The following RAPGEF2 variants were observed in gnomAD, a reference collection of about 807,000 sequenced individuals.
The protein encoded by RAPGEF2 is Rap guanine nucleotide exchange factor 2.
In RAPGEF2, 54 loss-of-function variants were observed where a neutral mutation model predicts 186.7. That is an observed-to-expected ratio of 0.29 (90% CI 0.23 to 0.36). The LOEUF is 0.36. Ranked by LOEUF, RAPGEF2 falls within the 10% of genes least tolerant of loss-of-function variation. RAPGEF2 has a pLI of 1.00. For synonymous variants in RAPGEF2, 712 were observed against 705.9 expected (o/e 1.01, Z -0.14); for missense variants, 1,532 against 2,045.0 (o/e 0.75, Z 4.84).
intron 8 of RAPGEF2, among the ~76,000 whole-genome samples, chr4:159,314,389 T>C (rs186081393): frequency 1.6e-4 from 25 of 152,342 alleles, no homozygotes; most frequent in African/African-American, 5.8e-4. Flanking sequence ...TCGTTATTCC[T>C]GACCAAAAAT....
chr4:159,253,368 T>G (rs180686607), intron 7 of RAPGEF2, among the ~76,000 whole-genome samples: 3 of 152,362 alleles, frequency 2.0e-5, no homozygotes, highest in South Asian at 2.1e-4. Context: ...CATTGGTCAC[T>G]GGGTTAAACA....
intron 1 of RAPGEF2, among the ~76,000 whole-genome samples, chr4:159,170,765 C>T (rs964877168): frequency 2.0e-5 from 3 of 152,128 alleles, no homozygotes; most frequent in African/African-American, 7.2e-5. Flanking sequence ...GGGTCATTTC[C>T]AGAAAATTAT....
At chr4:159,217,061 C>A (rs937932500) in intron 4 of RAPGEF2, among the ~76,000 whole-genome samples, 28 of 151,966 alleles carry the variant, frequency 1.8e-4, no homozygotes, top group African/African-American at 6.5e-4. Flanking sequence ...TGAGAGCTTG[C>A]AAGGTTTTTT....
chr4:159,206,926 G>C (rs866796674), intron 3 of RAPGEF2, among the ~76,000 whole-genome samples: 7 of 152,048 alleles, frequency 4.6e-5, no homozygotes, highest in African/African-American at 1.7e-4. Context: ...ACTGTTTTTT[G>C]TATTCTTACA....
chr4:159,353,580 G>C lies in RAPGEF2; in HGVS notation c.4185G>C (p.Gly1395=). ...CAGAGGAACTTTCCCAGGATCAGGG[G>C]GATCGCGCGTCACTTGATGCTGCTG... is the stretch of plus-strand genomic sequence containing the variant. The part of the protein sequence containing the change: ...PSTEELSQDQ[G]DRASLDAADS... Residue 1395 remains glycine, a synonymous_variant, in exon 28 of 30, where the codon GGG becomes GGC. Coordinates refer to ENST00000691494, the MANE Select transcript of RAPGEF2 (RefSeq NM_001394067.2). This position sits in a 1 kb window ranked among gnomAD's most constrained non-coding sequence, Gnocchi z 4.3. 6.3e-7 allele frequency: 1 copy of C among 1,586,684 alleles called. No homozygotes were observed. Among genetic ancestry groups the C allele is most frequent in the Non-Finnish European group, 8.6e-7 (1 of 1,169,374 alleles).
At chr4:159,176,903 G>A (rs968673792) in intron 1 of RAPGEF2, among the ~76,000 whole-genome samples, 2 of 152,118 alleles carry the variant, frequency 1.3e-5, no homozygotes, top group African/African-American at 4.8e-5. Context: ...GCTATGGAAG[G>A]TAAACTTACA....
At chr4:159,207,380 G>A (rs576182543) in intron 3 of RAPGEF2, among the ~76,000 whole-genome samples, 1 of 152,306 alleles carries the variant, frequency 6.6e-6, no homozygotes, top group East Asian at 1.9e-4. Flanking sequence ...TTTATTATCA[G>A]TGCCAGGAGA....
At chr4:159,186,550 A>G (rs980136411) in intron 1 of RAPGEF2, 92 bp from the exon 2 acceptor site, 1 of 544,652 alleles carries the variant, frequency 1.8e-6, no homozygotes. Flanking sequence ...AGCTATCCAT[A>G]GTTTAATTTG....
At chr4:159,304,730 A>G (rs1317176969) in intron 8 of RAPGEF2, among the ~76,000 whole-genome samples, 1 of 151,894 alleles carries the variant, frequency 6.6e-6, no homozygotes, top group African/African-American at 2.4e-5. Flanking sequence ...TAAAAGTGTA[A>G]TTTTGTTGCA....
chr4:159,121,167 A>G (rs1194606033), intron 1 of RAPGEF2, among the ~76,000 whole-genome samples: 1 of 151,968 alleles, frequency 6.6e-6, no homozygotes, highest in African/African-American at 2.4e-5. Flanking sequence ...TTTGAAGCTC[A>G]TGCTCAACCT....
intron 2 of RAPGEF2, among the ~76,000 whole-genome samples, chr4:159,190,923 ATT>A (rs1443839656): frequency 6.6e-6 from 1 of 152,172 alleles, no homozygotes; most frequent in Non-Finnish European, 1.5e-5. Context: ...GGGAAAGCAT[ATT>A]TTGGGGGAGA....
chr4:159,152,111 C>T (rs1442622820), intron 1 of RAPGEF2, among the ~76,000 whole-genome samples: 1 of 152,170 alleles, frequency 6.6e-6, no homozygotes, highest in African/African-American at 2.4e-5. Flanking sequence ...TGCTTGAGCT[C>T]AGGAGTTCGA....
intron 7 of RAPGEF2, among the ~76,000 whole-genome samples, chr4:159,302,658 CA>C (rs1426544967): frequency 6.6e-6 from 1 of 152,110 alleles, no homozygotes; most frequent in Non-Finnish European, 1.5e-5. Context: ...AGAAGTCCTG[CA>C]AATATTTCAC....
chr4:159,160,152 CAT>C (rs1744555012), intron 1 of RAPGEF2, among the ~76,000 whole-genome samples: 1 of 152,194 alleles, frequency 6.6e-6, no homozygotes. Context: ...ACTATAGACA[CAT>C]GTCTATTCAC....
At chr4:159,152,026 T>G (rs1743599497) in intron 1 of RAPGEF2, among the ~76,000 whole-genome samples, 1 of 152,120 alleles carries the variant, frequency 6.6e-6, no homozygotes, top group Admixed American at 6.6e-5. Flanking sequence ...TTTGTACTAT[T>G]TAAATAATAA....
intron 2 of RAPGEF2, among the ~76,000 whole-genome samples, chr4:159,188,103 G>A (rs1670413821): frequency 1.3e-5 from 2 of 150,258 alleles, no homozygotes; most frequent in Non-Finnish European, 2.9e-5. Flanking sequence ...AATTTTTAAA[G>A]TGTGTAACTT....
chr4:159,230,103 G>A (rs1343549222), intron 4 of RAPGEF2, among the ~76,000 whole-genome samples: 1 of 152,144 alleles, frequency 6.6e-6, no homozygotes, highest in Non-Finnish European at 1.5e-5. Context: ...TTAGACCATA[G>A]TGATCACATT....
intron 19 of RAPGEF2, among the ~76,000 whole-genome samples, chr4:159,340,898 G>C (rs1403890008): frequency 6.6e-6 from 1 of 152,136 alleles, no homozygotes; most frequent in Non-Finnish European, 1.5e-5. Flanking sequence ...TTCCCATTTT[G>C]GCACCGGCAT....
At chr4:159,343,987 G>T (rs377213331) in intron 22 of RAPGEF2, 49 bp from the exon 23 acceptor site, 1 of 1,517,374 alleles carries the variant, frequency 6.6e-7, no homozygotes, top group Non-Finnish European at 9.2e-7. Context: ...TGATCTTTCT[G>T]TCTCTCTTTC....
Sources: gnomAD v4.1 joint callset for allele counts (sites outside exome capture counted in the v4.1 genomes callset) on GRCh38, gnomAD v4.1.1 for gene constraint, Gnocchi (gnomAD v3.1) non-coding constraint, MANE v1.5 for transcripts, NCBI Gene and HGNC (gene_info 2026-07-23, HGNC 2026-07-21) for gene names.